Variants in NRG1 observed in about 807,000 individuals in gnomAD.
NRG1 encodes pro-neuregulin-1, membrane-bound isoform.
A neutral mutation model predicts 63.8 loss-of-function variants in NRG1; 18 were observed. The ratio of observed to expected loss-of-function variants is 0.28; its 90% CI spans 0.19 to 0.42. The LOEUF is 0.42. Among genes scored for constraint, NRG1 ranks in the 10% least tolerant of loss-of-function variants. The probability of loss-of-function intolerance (pLI) is 1.00; values close to 1 mark genes in which losing one functional copy is unlikely to be tolerated. For missense variants in NRG1, 762 were observed against 814.7 expected (o/e 0.94, Z 0.79); for synonymous variants, 302 against 301.3 (o/e 1.00, Z -0.02).
intron 1 of NRG1, among the ~76,000 whole-genome samples, chr8:31,699,792 G>A (rs1810451400): frequency 6.6e-6 from 1 of 151,990 alleles, no homozygotes; most frequent in African/African-American, 2.4e-5. Flanking sequence ...ACAATTCTGA[G>A]AGAAAAAGGG....
intron 1 of NRG1, among the ~76,000 whole-genome samples, chr8:32,110,879 C>T (rs1046397472): frequency 6.6e-6 from 1 of 152,138 alleles, no homozygotes; most frequent in African/African-American, 2.4e-5. Context: ...TATACAAAAG[C>T]CCAGAAGCAT....
chr8:31,903,245 T>A (rs1270774207), intron 1 of NRG1, among the ~76,000 whole-genome samples: 1 of 146,756 alleles, frequency 6.8e-6, no homozygotes, highest in Non-Finnish European at 1.5e-5. Context: ...GCCTCCCGGG[T>A]TCACGCCATT....
At chr8:31,897,493 A>C (rs1367365797) in intron 1 of NRG1, among the ~76,000 whole-genome samples, 1 of 152,176 alleles carries the variant, frequency 6.6e-6, no homozygotes, top group Non-Finnish European at 1.5e-5. Flanking sequence ...GAAAATCCAC[A>C]TTCTGAAGAG....
intron 3 of NRG1, among the ~76,000 whole-genome samples, chr8:32,610,101 C>T (rs1027827861): frequency 6.6e-6 from 1 of 152,110 alleles, no homozygotes. Flanking sequence ...AACTATCAGT[C>T]ACTTTATTAA....
intron 1 of NRG1, among the ~76,000 whole-genome samples, chr8:31,696,315 C>A (rs1198735334): frequency 1.3e-5 from 2 of 152,208 alleles, no homozygotes; most frequent in African/African-American, 4.8e-5. Context: ...GATCTGCCTG[C>A]CTTGGTCTCC....
chr8:32,395,773 G>C (rs1334236754), intron 1 of NRG1, among the ~76,000 whole-genome samples: 1 of 151,982 alleles, frequency 6.6e-6, no homozygotes, highest in Non-Finnish European at 1.5e-5. Flanking sequence ...TCTTTGGATT[G>C]TGCTTTTGGT....
chr8:32,194,981 G>C (rs1038492155), intron 1 of NRG1, among the ~76,000 whole-genome samples: 1 of 152,140 alleles, frequency 6.6e-6, no homozygotes, highest in Admixed American at 6.5e-5. Flanking sequence ...GAAGTGACTA[G>C]AATGATTGAT....
intron 1 of NRG1, among the ~76,000 whole-genome samples, chr8:31,987,855 TG>T (rs1400025436): frequency 6.6e-6 from 1 of 152,006 alleles, no homozygotes. Flanking sequence ...AATTAGAGAG[TG>T]GTAGAGTTCC....
intron 7 of NRG1, among the ~76,000 whole-genome samples, 171 bp from the exon 8 acceptor site, chr8:32,754,201 A>G (rs911800368): frequency 1.3e-5 from 2 of 152,212 alleles, no homozygotes; most frequent in South Asian, 2.1e-4. Flanking sequence ...TGTTCAAAGC[A>G]TAGTGCAGAG....
At chr8:32,396,298 G>A (rs73675131) in intron 1 of NRG1, among the ~76,000 whole-genome samples, 5,692 of 152,212 alleles carry the variant, frequency 0.037, 154 homozygotes, top group African/African-American at 0.068. Flanking sequence ...GGATTCTCAC[G>A]AATGTGAAGA....
Position 32,281,657 on chromosome 8 carries a change from T to G in NRG1, c.38-314171T>G, listed in dbSNP as rs796258173. Reference sequence around the variant, plus strand: ...CATTAATTCGTTTAGACATGGCCCCTCCAGCTGCATCTATGTTGAGCAATT... The same window carrying G: ...CATTAATTCGTTTAGACATGGCCCCGCCAGCTGCATCTATGTTGAGCAATT... On this transcript the variant is annotated intron_variant, in intron 1 of 10. Coordinates refer to the NRG1 transcript ENST00000519301. Among the ~76,000 whole-genome samples, 50 of 152,216 alleles carry G rather than the reference T, an allele frequency of 3.3e-4. 1 individual carries two copies. Among genetic ancestry groups the G allele is most frequent in the African/African-American group, 1.2e-3 (48 of 41,542 alleles).
At chr8:32,759,459 C>T (rs747559590) in intron 10 of NRG1, 23 bp downstream of exon 10, 30 of 1,606,774 alleles carry the variant, frequency 1.9e-5, no homozygotes, top group East Asian at 1.3e-4. Context: ...AAAAATTCCA[C>T]GGCTTTTCTC....
At chr8:32,344,701 T>A (rs1804655993) in intron 1 of NRG1, among the ~76,000 whole-genome samples, 3 of 149,860 alleles carry the variant, frequency 2.0e-5, no homozygotes. Flanking sequence ...GTGATCCTCC[T>A]GCTTCAAAAG....
intron 1 of NRG1, among the ~76,000 whole-genome samples, chr8:32,284,485 GCCTGCCTTCCTTCCTT>G (rs1210113068): frequency 8.6e-6 from 1 of 116,046 alleles, no homozygotes; most frequent in African/African-American, 3.4e-5. Context: ...CTCCCTGCCT[GCCTGCCTTCCTTCCTT>G]CCTTCCTTCC....
intron 1 of NRG1, among the ~76,000 whole-genome samples, chr8:32,299,208 A>G (rs11778887): frequency 0.24 from 35,979 of 151,880 alleles, 5,029 homozygotes; most frequent in East Asian, 0.64. Flanking sequence ...ATGTTTTTCC[A>G]GTATGTTTTC....
chr8:31,968,790 C>T (rs1331292413), intron 1 of NRG1, among the ~76,000 whole-genome samples: 2 of 152,116 alleles, frequency 1.3e-5, no homozygotes, highest in African/African-American at 4.8e-5. Flanking sequence ...GAGGGATATG[C>T]CACTTCTGCA....
At chr8:32,261,358 AGTGTGTGTGTGTGTGT>A (rs3055547) in intron 1 of NRG1, among the ~76,000 whole-genome samples, 1 of 148,264 alleles carries the variant, frequency 6.7e-6, no homozygotes, top group African/African-American at 2.5e-5. Context: ...TGCTCCTATT[AGTGTGTGTGTGTGTGT>A]GTGTGTGTGT....
chr8:32,449,826 A>T (rs1400272136), intron 1 of NRG1, among the ~76,000 whole-genome samples: 1 of 152,212 alleles, frequency 6.6e-6, no homozygotes, highest in African/African-American at 2.4e-5. Flanking sequence ...GCTAAATCTT[A>T]AAGTATGAGA....
intron 5 of NRG1, among the ~76,000 whole-genome samples, chr8:32,704,380 C>A (rs896417724): frequency 6.6e-6 from 1 of 152,002 alleles, no homozygotes; most frequent in Non-Finnish European, 1.5e-5. Flanking sequence ...TGATAGTATC[C>A]GGCTAAGGTT....
Sources: gnomAD v4.1 joint callset for allele counts (sites outside exome capture counted in the v4.1 genomes callset) on GRCh38, gnomAD v4.1.1 for gene constraint, MANE v1.5 for transcripts, NCBI Gene and HGNC (gene_info 2026-07-23, HGNC 2026-07-21) for gene names.